The following WWOX variants were observed in gnomAD, a reference collection of about 807,000 sequenced individuals.
WWOX encodes WW domain-containing oxidoreductase.
A neutral mutation model predicts 46.2 loss-of-function variants in WWOX; 69 were observed. The observed-to-expected ratio is 1.49, with a 90% CI of 1.23 to 1.82. WWOX has a LOEUF of 1.82. WWOX is among the 40% of genes most tolerant of loss of function. WWOX has a pLI of 0.00. For synonymous variants in WWOX, 359 were observed against 202.6 expected, an observed-to-expected ratio of 1.77 and a Z score of -6.56; for missense variants, 919 against 542.6, an observed-to-expected ratio of 1.69 and a Z score of -6.89.
intron 8 of WWOX, among the ~76,000 whole-genome samples, chr16:78,662,753 C>T (rs2047246950): frequency 1.3e-5 from 2 of 152,176 alleles, no homozygotes; most frequent in Non-Finnish European, 2.9e-5. Flanking sequence ...GAAGGATCCA[C>T]TTCCAAGCTG....
At chr16:78,182,835 C>T (rs1476475358) in intron 5 of WWOX, among the ~76,000 whole-genome samples, 2 of 151,332 alleles carry the variant, frequency 1.3e-5, no homozygotes. Context: ...CCTGTAGTGC[C>T]AGCTGCTTGG....
At chr16:78,246,292 A>G (rs1417635048) in intron 5 of WWOX, among the ~76,000 whole-genome samples, 1 of 152,222 alleles carries the variant, frequency 6.6e-6, no homozygotes, top group Non-Finnish European at 1.5e-5. Context: ...AAAAAGCCTC[A>G]TATAACCCAG....
chr16:78,908,153 C>T (rs1247872940), intron 8 of WWOX, among the ~76,000 whole-genome samples: 5 of 152,124 alleles, frequency 3.3e-5, no homozygotes, highest in South Asian at 2.1e-4. Flanking sequence ...GTGGCAGTGT[C>T]ACAACTTAAG....
intron 4 of WWOX, among the ~76,000 whole-genome samples, chr16:78,135,460 A>C (rs564294408): frequency 6.6e-6 from 1 of 152,214 alleles, no homozygotes; most frequent in Admixed American, 6.5e-5. Flanking sequence ...GTTATCTTCA[A>C]TTCAAATCTT....
At chr16:78,261,468 G>T (rs920444892) in intron 5 of WWOX, among the ~76,000 whole-genome samples, 1 of 150,088 alleles carries the variant, frequency 6.7e-6, no homozygotes, top group East Asian at 1.9e-4. Flanking sequence ...TGTATAAAAA[G>T]AAAAGACTAA....
intron 8 of WWOX, among the ~76,000 whole-genome samples, chr16:78,644,663 A>G (rs900321012): frequency 6.6e-6 from 1 of 152,126 alleles, no homozygotes; most frequent in Non-Finnish European, 1.5e-5. Context: ...GGGTTGCACC[A>G]TGTTTACCAG....
At chr16:78,176,129 G>A (rs544614402) in intron 5 of WWOX, among the ~76,000 whole-genome samples, 14 of 152,208 alleles carry the variant, frequency 9.2e-5, no homozygotes, top group African/African-American at 2.6e-4. Flanking sequence ...TCCTCTGAGC[G>A]TCTTCTATGC....
chr16:78,685,048 G>C (rs541922946), intron 8 of WWOX, among the ~76,000 whole-genome samples: 1 of 152,090 alleles, frequency 6.6e-6, no homozygotes, highest in South Asian at 2.1e-4. Context: ...TTTTTTCTCT[G>C]TGCTGTTCAC....
At chr16:78,583,972 C>G (rs2045129700) in intron 8 of WWOX, among the ~76,000 whole-genome samples, 1 of 152,212 alleles carries the variant, frequency 6.6e-6, no homozygotes, top group African/African-American at 2.4e-5. Context: ...CCAAACACTT[C>G]AAGAAGGAAA....
At chr16:78,312,017 A>G (rs1010079515) in intron 5 of WWOX, among the ~76,000 whole-genome samples, 10 of 152,104 alleles carry the variant, frequency 6.6e-5, no homozygotes, top group Admixed American at 1.3e-4. Context: ...TCCTCGATCC[A>G]TGGCTCCTTT....
rs1197736524 is a variant in WWOX at position 78,422,842 on chromosome 16, TATACACACACACACAC to T, written c.606-2026_606-2011del. Among the ~76,000 whole-genome samples, 17 of 76,308 alleles carry T rather than the reference TATACACACACACACAC, an allele frequency of 2.2e-4. 2 individuals are homozygous for T. Among genetic ancestry groups the T allele is most frequent in the African/African-American group, 9.8e-4 (17 of 17,334 alleles). 50.1% of individuals were successfully genotyped at this position (76,308 alleles called of 152,430 possible). On this transcript the variant is annotated intron_variant, in intron 6 of 8. Coordinates refer to ENST00000566780, the MANE Select transcript of WWOX (RefSeq NM_016373.4). ...ATACACACACATATATATATATACATATACACACACACACACACACACACACACACACACACACACA... is the reference window on the plus strand; with the variant it reads ...ATACACACACATATATATATATACATACACACACACACACACACACACACA...
In WWOX at chr16:78,555,464, C is replaced by T. The variant is rs993711802; in HGVS notation, c.1056+122712C>T. 3.3e-5 allele frequency among the ~76,000 whole-genome samples: 5 copies of T among 152,120 alleles called. No individual in the cohort carries two copies. In the East Asian group the frequency reaches 5.8e-4, roughly 18 times the overall value. On this transcript the variant is annotated intron_variant, in intron 8 of 8. Coordinates refer to ENST00000566780, the MANE Select transcript of WWOX (RefSeq NM_016373.4). ...AGGTAAATTACTTATTCTCTTTGCA[C>T]CTCAGTGTATTCTTCTGACTAATGG...
chr16:78,327,336 A>G (rs979189246), intron 5 of WWOX, among the ~76,000 whole-genome samples: 1 of 152,140 alleles, frequency 6.6e-6, no homozygotes, highest in Non-Finnish European at 1.5e-5. Context: ...GAAGCGTGCC[A>G]GCTTTCAAAG....
intron 8 of WWOX, among the ~76,000 whole-genome samples, chr16:78,656,134 G>T (rs2047075370): frequency 6.6e-6 from 1 of 152,162 alleles, no homozygotes; most frequent in South Asian, 2.1e-4. Flanking sequence ...TCAACATGAG[G>T]ATGAAAGTTA....
chr16:79,202,394 A>G (rs764143267), intron 8 of WWOX, among the ~76,000 whole-genome samples: 4 of 152,170 alleles, frequency 2.6e-5, no homozygotes, highest in Non-Finnish European at 4.4e-5. Context: ...AACAAATAGG[A>G]ATTACATTCC....
chr16:78,326,188 C>T (rs928005764), intron 5 of WWOX, among the ~76,000 whole-genome samples: 11 of 152,160 alleles, frequency 7.2e-5, no homozygotes, highest in African/African-American at 2.7e-4. Context: ...ACTGGGATCA[C>T]ACAGCTAGAT....
At chr16:79,032,236 A>G (rs990475472) in intron 8 of WWOX, among the ~76,000 whole-genome samples, 3 of 146,052 alleles carry the variant, frequency 2.1e-5, no homozygotes, top group Non-Finnish European at 3.0e-5. Context: ...ATGTATGTAT[A>G]GAGAGTCTAT....
chr16:78,187,237 C>G (rs867361999), intron 5 of WWOX, among the ~76,000 whole-genome samples: 4 of 152,188 alleles, frequency 2.6e-5, no homozygotes, highest in Non-Finnish European at 5.9e-5. Context: ...CCAACCCACC[C>G]TTCACACATG....
At chr16:78,181,660 C>G (rs533736476) in intron 5 of WWOX, among the ~76,000 whole-genome samples, 2 of 152,102 alleles carry the variant, frequency 1.3e-5, no homozygotes, top group South Asian at 4.2e-4. Context: ...TTACTTAATA[C>G]CAGATAATAT....
Sources: allele counts gnomAD v4.1 joint callset (sites outside exome capture counted in the v4.1 genomes callset), GRCh38; gene constraint gnomAD v4.1.1; transcripts MANE v1.5; gene names NCBI Gene and HGNC (gene_info 2026-07-23, HGNC 2026-07-21).